LINGO2: variants seen among roughly 807,000 people sequenced by gnomAD.
LINGO2 encodes the protein leucine-rich repeat and immunoglobulin-like domain-containing nogo receptor-interacting protein 2.
Under a neutral mutation model 30.6 loss-of-function variants are expected in LINGO2, and 14 were observed. The ratio of observed to expected loss-of-function variants is 0.46; its 90% CI spans 0.30 to 0.72. The LOEUF (loss-of-function observed/expected upper bound fraction) is 0.72, where lower values mean the gene tolerates loss of function less well. Ranked by LOEUF, LINGO2 falls within the 30% of genes least tolerant of loss-of-function variation. The pLI is 0.07. For synonymous variants in LINGO2, 317 were observed against 288.5 expected, an observed-to-expected ratio of 1.10 and a Z score of -1.00; for missense variants, 729 against 751.7, an observed-to-expected ratio of 0.97 and a Z score of 0.35.
the LINGO2 span, among the ~76,000 whole-genome samples, chr9:29,059,424 T>TAAAC: frequency 6.7e-6 from 1 of 149,622 alleles, no homozygotes; most frequent in South Asian, 2.1e-4. Context: ...AAAAAATAAA[T>TAAAC]AAATAAATAA....
chr9:28,390,509 T>C (rs1455900240), intron 2 of LINGO2, among the ~76,000 whole-genome samples: 1 of 152,066 alleles, frequency 6.6e-6, no homozygotes, highest in East Asian at 1.9e-4. Flanking sequence ...ATTGTTCTCC[T>C]GCTATTAAAA....
chr9:28,605,489 C>G (rs1825660037), intron 1 of LINGO2, among the ~76,000 whole-genome samples: 2 of 151,906 alleles, frequency 1.3e-5, no homozygotes, highest in African/African-American at 4.8e-5. Flanking sequence ...ACTTTATTTT[C>G]TTCATTTTAA....
intron 4 of LINGO2, among the ~76,000 whole-genome samples, chr9:28,190,714 T>A (rs2133773407): frequency 6.6e-6 from 1 of 152,306 alleles, no homozygotes; most frequent in East Asian, 1.9e-4. Context: ...GGTATTTTGT[T>A]AAACCAGCCC....
the LINGO2 span, among the ~76,000 whole-genome samples, chr9:28,811,570 C>T: frequency 6.6e-6 from 1 of 152,060 alleles, no homozygotes; most frequent in Admixed American, 6.5e-5. Context: ...TTTTTACCCA[C>T]ACTCACTTCC....
At chr9:28,278,480 G>A (rs768205083) in intron 4 of LINGO2, among the ~76,000 whole-genome samples, 18 of 152,176 alleles carry the variant, frequency 1.2e-4, no homozygotes, top group Non-Finnish European at 2.6e-4. Flanking sequence ...GTGACTTTAA[G>A]TTGAAGCCAA....
chr9:28,206,738 T>C (rs188071870), intron 4 of LINGO2, among the ~76,000 whole-genome samples: 7 of 152,318 alleles, frequency 4.6e-5, no homozygotes, highest in Admixed American at 3.9e-4. Flanking sequence ...TACCAGTGTT[T>C]ATAATCTGAA....
At chr9:27,970,326 T>A (rs1403211510) in intron 5 of LINGO2, among the ~76,000 whole-genome samples, 2 of 152,138 alleles carry the variant, frequency 1.3e-5, no homozygotes, top group African/African-American at 4.8e-5. Flanking sequence ...GCTCGGGGGA[T>A]CTGTTATAAA....
intron 2 of LINGO2, among the ~76,000 whole-genome samples, chr9:28,390,871 G>A (rs551973684): frequency 8.6e-5 from 13 of 151,986 alleles, no homozygotes; most frequent in South Asian, 2.1e-4. Flanking sequence ...AGCATTTCAC[G>A]TCATTGAAAA....
intron 4 of LINGO2, among the ~76,000 whole-genome samples, chr9:28,157,599 T>G (rs1828169129): frequency 6.6e-6 from 1 of 152,228 alleles, no homozygotes; most frequent in Non-Finnish European, 1.5e-5. Flanking sequence ...AGAAAATGAT[T>G]TTTTTCTTTT....
intron 2 of LINGO2, among the ~76,000 whole-genome samples, chr9:28,395,858 TA>T (rs1356464846): frequency 1.3e-5 from 2 of 152,214 alleles, no homozygotes; most frequent in Admixed American, 1.3e-4. Context: ...CAGGACTTAT[TA>T]AGCTTAGTTA....
the LINGO2 span, among the ~76,000 whole-genome samples, chr9:28,993,635 G>A: frequency 3.5e-4 from 53 of 150,486 alleles, 1 homozygote; most frequent in African/African-American, 1.2e-3. Context: ...CTAGCAAACC[G>A]AATCCAGCAG....
chr9:28,975,785 G>C, the LINGO2 span, among the ~76,000 whole-genome samples: 1 of 152,144 alleles, frequency 6.6e-6, no homozygotes. Context: ...ATAATCTAAA[G>C]ATAGCAAGCA....
the LINGO2 span, among the ~76,000 whole-genome samples, chr9:28,832,369 A>C: frequency 3.3e-5 from 5 of 152,200 alleles, no homozygotes; most frequent in Admixed American, 6.5e-5. Flanking sequence ...CCACGTGTGC[A>C]ACTTATGTTT....
At chr9:29,042,270 T>G in the LINGO2 span, among the ~76,000 whole-genome samples, 4 of 151,914 alleles carry the variant, frequency 2.6e-5, no homozygotes, top group Non-Finnish European at 5.9e-5. Flanking sequence ...TCATCTAAAA[T>G]AATATAGCCA....
chr9:28,612,630 A>G (rs1159401471), intron 1 of LINGO2, among the ~76,000 whole-genome samples: 1 of 152,104 alleles, frequency 6.6e-6, no homozygotes, highest in African/African-American at 2.4e-5. Context: ...GGGTGTATTT[A>G]TGCAATGCCT....
chr9:28,190,377 G>T (rs919796122), intron 4 of LINGO2, among the ~76,000 whole-genome samples: 1 of 152,104 alleles, frequency 6.6e-6, no homozygotes, highest in Non-Finnish European at 1.5e-5. Context: ...TGGTTGCAAT[G>T]AACCGAATAT....
At chr9:28,552,216 C>G (rs1822323596) in intron 1 of LINGO2, among the ~76,000 whole-genome samples, 1 of 152,118 alleles carries the variant, frequency 6.6e-6, no homozygotes, top group Middle Eastern at 3.4e-3. Flanking sequence ...GACCTGCCTA[C>G]AGCTGTCACC....
chr9:28,440,604 A>G (rs1824152800), intron 2 of LINGO2, among the ~76,000 whole-genome samples: 1 of 152,192 alleles, frequency 6.6e-6, no homozygotes, highest in Non-Finnish European at 1.5e-5. Flanking sequence ...AAAAAATTAC[A>G]CAAAAACTCT....
At chr9:29,012,843 C>CT in the LINGO2 span, among the ~76,000 whole-genome samples, 1 of 152,090 alleles carries the variant, frequency 6.6e-6, no homozygotes, top group Non-Finnish European at 1.5e-5. Flanking sequence ...GTGGTTAAAT[C>CT]TACCCATTAG....
Sources: gnomAD v4.1 joint callset for allele counts (sites outside exome capture counted in the v4.1 genomes callset) on GRCh38, gnomAD v4.1.1 for gene constraint, MANE v1.5 for transcripts, NCBI Gene and HGNC (gene_info 2026-07-23, HGNC 2026-07-21) for gene names.